Variants in CCDC25 observed in about 807,000 individuals in gnomAD.
The protein encoded by CCDC25 is coiled-coil domain-containing protein 25.
In CCDC25, 16 loss-of-function variants were observed where a neutral mutation model predicts 35.3. The observed-to-expected ratio is 0.45, with a 90% CI of 0.31 to 0.69. CCDC25 has a LOEUF of 0.69. Ranked by LOEUF, CCDC25 falls within the 30% of genes least tolerant of loss-of-function variation. CCDC25 has a pLI of 0.06. For synonymous variants in CCDC25, 79 were observed against 80.3 expected (o/e 0.98, Z 0.09); for missense variants, 179 against 250.7 (o/e 0.71, Z 1.93).
intron 1 of CCDC25, among the ~76,000 whole-genome samples, chr8:27,770,158 C>A (rs1804541032): frequency 6.6e-6 from 1 of 151,864 alleles, no homozygotes; most frequent in South Asian, 2.1e-4. Context: ...AAACAAAAAA[C>A]AAAACAAAAC....
chr8:27,772,633 C>G lies in CCDC25; in HGVS notation c.-93G>C. 7.6e-7 allele frequency: 1 copy of G among 1,318,982 alleles called. No individual in the cohort carries two copies. The highest frequency in any genetic ancestry group is 2.1e-5 in the Admixed American group (1 of 47,086). 81.7% of individuals were successfully genotyped at this position (1,318,982 alleles called of 1,614,324 possible). A position where few individuals can be genotyped will look rare whatever the true frequency, so the allele number is the denominator to read the frequency against. On this transcript the variant is annotated 5_prime_UTR_variant, in exon 1 of 9. Coordinates refer to ENST00000356537, the MANE Select transcript of CCDC25 (RefSeq NM_018246.3). Reference sequence around the variant, plus strand: ...CAGACTCGCGGCGGCCGCCTGGCCCCCGGAACTCCTCCGTGCACTTCCGGC... The same window carrying G: ...CAGACTCGCGGCGGCCGCCTGGCCCGCGGAACTCCTCCGTGCACTTCCGGC...
At position 27,772,398 on chromosome 8, in the gene CCDC25, G is replaced by A. The variant is rs76200394; in HGVS notation, c.28+115C>T. On this transcript the variant is annotated intron_variant, in intron 1 of 8. Transcript: ENST00000356537. ...GGGGACCGAGAGGCCGCGGGAAGAG[G>A]CACTCGCATCCAGAAGGCATTTTAG... 4.8e-3 allele frequency: 4,762 copies of A among 997,990 alleles called. 160 individuals are homozygous for A. In the African/African-American group the frequency reaches 0.067, roughly 14 times the overall value. 61.8% of individuals were successfully genotyped at this position (997,990 alleles called of 1,614,324 possible). A position where few individuals can be genotyped will look rare whatever the true frequency, so the allele number is the denominator to read the frequency against.
chr8:27,757,352 C>T (rs1385000728), intron 3 of CCDC25, among the ~76,000 whole-genome samples: 1 of 152,160 alleles, frequency 6.6e-6, no homozygotes, highest in Non-Finnish European at 1.5e-5. Context: ...CCTAAAGACG[C>T]TAAGCAGAAC....
intron 3 of CCDC25, among the ~76,000 whole-genome samples, chr8:27,760,787 G>T (rs569778534): frequency 1.2e-3 from 176 of 152,318 alleles, no homozygotes; most frequent in Non-Finnish European, 2.1e-3. Flanking sequence ...TAGAAGACAG[G>T]TTTTTGTGCT....
chr8:27,764,990 A>G (rs1804351426), intron 2 of CCDC25, among the ~76,000 whole-genome samples: 1 of 152,208 alleles, frequency 6.6e-6, no homozygotes, highest in Non-Finnish European at 1.5e-5. Context: ...ATAAATCATC[A>G]CAAGTAACAT....
At chr8:27,760,049 A>G (rs1272891335) in intron 3 of CCDC25, among the ~76,000 whole-genome samples, 1 of 152,146 alleles carries the variant, frequency 6.6e-6, no homozygotes, top group East Asian at 1.9e-4. Context: ...ACCTACTCAC[A>G]TCACACCTCA....
intron 1 of CCDC25, among the ~76,000 whole-genome samples, chr8:27,768,080 G>GT (rs1563461432): frequency 6.6e-6 from 1 of 151,846 alleles, no homozygotes; most frequent in Non-Finnish European, 1.5e-5. Context: ...GGTGGCTAAA[G>GT]TGGGAGGATC....
chr8:27,756,874 C>A (rs1804023751), intron 3 of CCDC25, 104 bp from the exon 4 acceptor site: 6 of 784,036 alleles, frequency 7.7e-6, no homozygotes, highest in Admixed American at 7.6e-5. Context: ...TCACTCCATG[C>A]CTGCCACATG....
intron 2 of CCDC25, among the ~76,000 whole-genome samples, chr8:27,765,000 T>C (rs902141705): frequency 1.3e-5 from 2 of 152,322 alleles, no homozygotes; most frequent in South Asian, 2.1e-4. Context: ...ACAAGTAACA[T>C]TGATAGTTAA....
At chr8:27,760,863 C>T (rs368241023) in intron 3 of CCDC25, among the ~76,000 whole-genome samples, 10 of 152,180 alleles carry the variant, frequency 6.6e-5, no homozygotes, top group African/African-American at 9.7e-5. Flanking sequence ...CGGTGGCTCA[C>T]GCCTCTAATC....
At chr8:27,766,782 TAC>T (rs1201945604) in intron 1 of CCDC25, among the ~76,000 whole-genome samples, 1 of 151,918 alleles carries the variant, frequency 6.6e-6, no homozygotes, top group Non-Finnish European at 1.5e-5. Flanking sequence ...TTAAATATAT[TAC>T]AGATTTGAAC....
At chr8:27,756,834 C>G (rs1007876808) in intron 3 of CCDC25, 64 bp from the exon 4 acceptor site, 100 of 1,105,858 alleles carry the variant, frequency 9.0e-5, no homozygotes, top group Admixed American at 6.8e-4. Flanking sequence ...AGGCCACATG[C>G]CATTTAAAGC....
Position 27,772,139 on chromosome 8 carries a change from G to A in CCDC25, c.28+374C>T, listed in dbSNP as rs182355686. ...TTTCTCACAGGGGATAATTACAAGG[G>A]TTCAGCCAGAACAAAGGCCGCAGAT... On this transcript the variant is annotated intron_variant, in intron 1 of 8. Transcript: ENST00000356537. 2.2e-3 allele frequency: 712 copies of A among 327,804 alleles called. 2 individuals are homozygous for A. Among genetic ancestry groups the A allele is most frequent in the Non-Finnish European group, 3.1e-3 (535 of 175,142 alleles). 20.3% of individuals were successfully genotyped at this position (327,804 alleles called of 1,614,324 possible).
Position 27,772,532 on chromosome 8 carries a change from G to A in CCDC25, c.9C>T (p.Phe3=), listed in dbSNP as rs1053637899. 2.6e-6 allele frequency: 4 copies of A among 1,549,772 alleles called. No individual in the cohort carries two copies. In the African/African-American group the frequency reaches 5.5e-5, roughly 21 times the overall value. ...ACTCACCGCTGCTGCTGGTGAAGTA[G>A]AACACCATGATCCCGGGAGCGGTGC... is the stretch of plus-strand genomic sequence containing the variant. MV[F]YFTSSSVNSS... is the part of the protein sequence containing the mutation. Residue 3 remains phenylalanine (F), a synonymous_variant, in exon 1 of 9, where the codon TTC becomes TTT. Transcript: ENST00000356537.
At chr8:27,748,459 A>C (rs1477045796) in intron 6 of CCDC25, 36 bp downstream of exon 6, 1 of 1,501,484 alleles carries the variant, frequency 6.7e-7, no homozygotes, top group Non-Finnish European at 9.3e-7. Context: ...ATTCAGTATC[A>C]GGGCTCCGCC....
intron 7 of CCDC25, 79 bp downstream of exon 7, chr8:27,747,998 T>C (rs1018149568): frequency 7.3e-7 from 1 of 1,374,220 alleles, no homozygotes; most frequent in Admixed American, 1.8e-5. Flanking sequence ...CAATATATCG[T>C]TCTTAATGGC....
chr8:27,771,431 C>T (rs1287891503), intron 1 of CCDC25, among the ~76,000 whole-genome samples: 1 of 152,014 alleles, frequency 6.6e-6, no homozygotes, highest in African/African-American at 2.4e-5. Flanking sequence ...TGTATCAGTT[C>T]GGTGGAGTAA....
In CCDC25 at chr8:27,736,265, G is replaced by A. The variant is rs374012430; in HGVS notation, c.598-20C>T. ...GCCATCCTGTAGGAAACACAAAAATGAGAACATAAAAGCCTTGAAAATAAT... is the reference window on the plus strand; with the variant it reads ...GCCATCCTGTAGGAAACACAAAAATAAGAACATAAAAGCCTTGAAAATAAT... On this transcript the variant is annotated intron_variant, in intron 8 of 8. Coordinates refer to ENST00000356537, the MANE Select transcript of CCDC25 (RefSeq NM_018246.3). The A allele has an allele frequency of 2.5e-6, 4 of 1,582,648 alleles. No individual in the cohort carries two copies. The highest frequency in any genetic ancestry group is 3.4e-6 in the Non-Finnish European group (4 of 1,160,400).
intron 3 of CCDC25, among the ~76,000 whole-genome samples, chr8:27,759,779 CAAAAAAA>C (rs77051762): frequency 0.52 from 47,897 of 91,538 alleles, 12,053 homozygotes; most frequent in South Asian, 0.6. Flanking sequence ...GACTCTGTCT[CAAAAAAA>C]AAAAAAAAAA....
Sources: gnomAD v4.1 joint callset for allele counts (sites outside exome capture counted in the v4.1 genomes callset) on GRCh38, gnomAD v4.1.1 for gene constraint, MANE v1.5 for transcripts, NCBI Gene and HGNC (gene_info 2026-07-23, HGNC 2026-07-21) for gene names.